The following EPS15 variants were observed in gnomAD, a reference collection of about 807,000 sequenced individuals.
EPS15 encodes the protein epidermal growth factor receptor substrate 15.
In EPS15, 72 loss-of-function variants were observed where a neutral mutation model predicts 113.8. That is an observed-to-expected ratio of 0.63 (90% CI 0.52 to 0.77). The LOEUF is 0.77. EPS15 is among the 30% of genes least tolerant of loss of function. EPS15 has a pLI of 0.00. For synonymous variants in EPS15, 344 were observed against 363.4 expected, an observed-to-expected ratio of 0.95 and a Z score of 0.61; for missense variants, 1,048 against 1,045.8, an observed-to-expected ratio of 1.00 and a Z score of -0.03.
chr1:51,461,023 A>C (rs1053256460), intron 8 of EPS15, 68 bp downstream of exon 8: 2 of 1,052,136 alleles, frequency 1.9e-6, no homozygotes, highest in Non-Finnish European at 3.0e-6. Context: ...GGATGAACTA[A>C]AAGAGGAAAT....
At chr1:51,359,429 C>T (rs1646326299) in intron 24 of EPS15, among the ~76,000 whole-genome samples, 1 of 125,362 alleles carries the variant, frequency 8.0e-6, no homozygotes, top group Admixed American at 9.1e-5. Flanking sequence ...GGCGACAGAG[C>T]AAGACTCTGT....
At chr1:51,444,416 C>T (rs1238803966) in intron 11 of EPS15, among the ~76,000 whole-genome samples, 2 of 152,268 alleles carry the variant, frequency 1.3e-5, no homozygotes, top group African/African-American at 4.8e-5. Context: ...CAGCAAAAAC[C>T]GCACAGATAC....
rs771235443 is a variant in EPS15 at position 51,508,347 on chromosome 1, A to AG, written c.33+10851dup. On this transcript the variant is annotated intron_variant, in intron 1 of 24. Coordinates refer to ENST00000371733, the MANE Select transcript of EPS15 (RefSeq NM_001981.3). ...GAGAGAAAGAGAAAGAGAGAAAGAA[A>AG]GAAAGAAAGAAAGAAAGAAAGAAAG... is the stretch of plus-strand genomic sequence containing the variant. Among the ~76,000 whole-genome samples the AG allele has an allele frequency of 6.2e-4, 81 of 131,694 alleles. 1 individual carries two copies. The highest frequency in any genetic ancestry group is 2.3e-3 in the African/African-American group (79 of 34,036). 86.4% of individuals were successfully genotyped at this position (131,694 alleles called of 152,430 possible). A position where few individuals can be genotyped will look rare whatever the true frequency, so the allele number is the denominator to read the frequency against.
chr1:51,454,474 G>C (rs1485287475), intron 8 of EPS15, among the ~76,000 whole-genome samples: 1 of 152,190 alleles, frequency 6.6e-6, no homozygotes, highest in Non-Finnish European at 1.5e-5. Context: ...GATGTCACAT[G>C]GATATCATGT....
Position 51,468,481 on chromosome 1 carries a change from G to A in EPS15, c.301C>T (p.Pro101Ser). 2 of 1,601,736 alleles carry A rather than the reference G, an allele frequency of 1.2e-6. No homozygotes were observed. Among genetic ancestry groups the A allele is most frequent in the Non-Finnish European group, 1.7e-6 (2 of 1,168,858 alleles). ...CTAAAAGCATTTCTTACAAATCTTGGTGGAGGAACAGCCAGGTTCAAACTA... is the reference window on the plus strand; with the variant it reads ...CTAAAAGCATTTCTTACAAATCTTGATGGAGGAACAGCCAGGTTCAAACTA... The part of the protein sequence containing the change: ...LSSLNLAVPP[P>S]RFHDTSSPLL... Residue 101 changes from proline to serine, a missense_variant, in exon 5 of 25, where the codon CCA (proline) becomes TCA (serine). By Grantham distance (74) the Pro-to-Ser change is moderately conservative. Coordinates refer to ENST00000371733, the MANE Select transcript of EPS15 (RefSeq NM_001981.3).
At chr1:51,508,187 A>AGAAAAGAAAAGAAAG (rs1644531993) in intron 1 of EPS15, among the ~76,000 whole-genome samples, 1 of 18,598 alleles carries the variant, frequency 5.4e-5, no homozygotes, top group Non-Finnish European at 1.5e-4. Context: ...TCACAAAAAG[A>AGAAAAGAAAAGAAAG]GAAAAGAAAA....
intron 13 of EPS15, among the ~76,000 whole-genome samples, chr1:51,410,448 G>A (rs951779842): frequency 8.6e-5 from 13 of 151,008 alleles, no homozygotes; most frequent in Non-Finnish European, 1.5e-4. Flanking sequence ...GAATGTAAAA[G>A]TCTAACTTTA....
intron 24 of EPS15, among the ~76,000 whole-genome samples, chr1:51,358,422 T>C (rs1557762725): frequency 6.6e-6 from 1 of 152,240 alleles, no homozygotes; most frequent in Non-Finnish European, 1.5e-5. Context: ...ACAGCAACCT[T>C]GGCAAATACT....
intron 1 of EPS15, among the ~76,000 whole-genome samples, chr1:51,506,839 T>C (rs1265085377): frequency 2.1e-5 from 3 of 145,878 alleles, no homozygotes; most frequent in Non-Finnish European, 4.5e-5. Flanking sequence ...ACTAAGAATG[T>C]AGAGAACAAA....
intron 12 of EPS15, among the ~76,000 whole-genome samples, chr1:51,434,715 A>G (rs887010032): frequency 6.6e-6 from 1 of 152,200 alleles, no homozygotes; most frequent in Non-Finnish European, 1.5e-5. Context: ...CTTGTCTCCC[A>G]GGCTGGAGTG....
chr1:51,475,208 G>A (rs553405249), intron 2 of EPS15, among the ~76,000 whole-genome samples: 7 of 152,182 alleles, frequency 4.6e-5, no homozygotes, highest in African/African-American at 1.4e-4. Flanking sequence ...GTAATGGGAC[G>A]GCTGGGTCAA....
At chr1:51,441,928 A>G (rs997566926) in intron 11 of EPS15, among the ~76,000 whole-genome samples, 3 of 152,168 alleles carry the variant, frequency 2.0e-5, no homozygotes, top group Non-Finnish European at 4.4e-5. Flanking sequence ...AAACAGGTAC[A>G]TCAATAAAAT....
At chr1:51,391,454 T>G (rs1163312255) in intron 21 of EPS15, among the ~76,000 whole-genome samples, 1 of 134,898 alleles carries the variant, frequency 7.4e-6, no homozygotes, top group Non-Finnish European at 1.7e-5. Context: ...CCCTAAAACT[T>G]TAATAAAATA....
chr1:51,510,639 G>A (rs904739338), intron 1 of EPS15, among the ~76,000 whole-genome samples: 1 of 151,984 alleles, frequency 6.6e-6, no homozygotes. Context: ...CCAAACTACA[G>A]TGGAGCCGGA....
At chr1:51,367,282 T>C in intron 21 of EPS15, among the ~76,000 whole-genome samples, 1 of 152,302 alleles carries the variant, frequency 6.6e-6, no homozygotes, top group African/African-American at 2.4e-5. Flanking sequence ...CCAGGTGCAG[T>C]GGCTCACGCC....
chr1:51,516,340 T>C (rs1644715968), intron 1 of EPS15, among the ~76,000 whole-genome samples: 1 of 152,364 alleles, frequency 6.6e-6, no homozygotes, highest in African/African-American at 2.4e-5. Context: ...CATGAGTATA[T>C]ATATCCTCAG....
intron 21 of EPS15, among the ~76,000 whole-genome samples, chr1:51,379,207 C>T (rs1211847597): frequency 1.3e-5 from 2 of 152,156 alleles, no homozygotes; most frequent in Admixed American, 1.3e-4. Flanking sequence ...GCAACCTCTG[C>T]CTCCCGGGTT....
chr1:51,421,926 CT>C, intron 12 of EPS15, 68 bp from the exon 13 acceptor site: 1 of 1,593,264 alleles, frequency 6.3e-7, no homozygotes, highest in Non-Finnish European at 8.6e-7. Flanking sequence ...GTTATCCATC[CT>C]CCTAATCCTG....
At chr1:51,400,733 A>AAAG (rs1295730948) in intron 19 of EPS15, among the ~76,000 whole-genome samples, 185 bp downstream of exon 19, 1,934 of 147,334 alleles carry the variant, frequency 0.013, 10 homozygotes, top group Middle Eastern at 0.029. Flanking sequence ...AAAAAAAAAA[A>AAAG]AAGAAGAAGT....
Sources: gnomAD v4.1 joint callset for allele counts (sites outside exome capture counted in the v4.1 genomes callset) on GRCh38, gnomAD v4.1.1 for gene constraint, MANE v1.5 for transcripts, NCBI Gene and HGNC (gene_info 2026-07-23, HGNC 2026-07-21) for gene names.